The following ZMYM5 variants were observed in gnomAD, a reference collection of about 807,000 sequenced individuals.
ZMYM5 encodes zinc finger MYM-type containing 5, also known as zinc finger MYM-type protein 5.
Under a neutral mutation model 61.8 loss-of-function variants are expected in ZMYM5, and 41 were observed. The observed-to-expected ratio is 0.66, with a 90% CI of 0.52 to 0.86. The LOEUF is 0.86. Ranked by LOEUF, ZMYM5 falls within the 40% of genes least tolerant of loss-of-function variation. The pLI is 0.00. For synonymous variants in ZMYM5, 257 were observed against 276.4 expected (o/e 0.93, Z 0.70); for missense variants, 706 against 786.7 (o/e 0.90, Z 1.23).
At chr13:19,837,419 GT>G in intron 6 of ZMYM5, 1 of 1,514,276 alleles carries the variant, frequency 6.6e-7, no homozygotes, top group Non-Finnish European at 8.7e-7. Flanking sequence ...CAATTGCCTT[GT>G]TTATGAGCAC....
chr13:19,850,910 T>C (rs1953265145), intron 4 of ZMYM5, among the ~76,000 whole-genome samples: 1 of 152,148 alleles, frequency 6.6e-6, no homozygotes, highest in Non-Finnish European at 1.5e-5. Flanking sequence ...ATATTCTATC[T>C]TAATATGAAA....
intron 4 of ZMYM5, among the ~76,000 whole-genome samples, chr13:19,849,130 A>G (rs1298822746): frequency 6.6e-6 from 1 of 152,032 alleles, no homozygotes; most frequent in East Asian, 1.9e-4. Context: ...AAACTTATAT[A>G]TACATATTTT....
intron 4 of ZMYM5, among the ~76,000 whole-genome samples, chr13:19,844,420 CTA>C (rs1299093404): frequency 1.3e-5 from 2 of 152,158 alleles, no homozygotes; most frequent in African/African-American, 2.4e-5. Context: ...TGCAAGAGTT[CTA>C]TGTTGTCTCA....
chr13:19,841,603 G>A (rs142129388), intron 4 of ZMYM5, among the ~76,000 whole-genome samples: 1,836 of 152,128 alleles, frequency 0.012, 39 homozygotes, highest in African/African-American at 0.04. Flanking sequence ...AAACTCCCTA[G>A]AGTCAGTATC....
chr13:19,826,014 C>T (rs1361216506), intron 7 of ZMYM5, among the ~76,000 whole-genome samples: 1 of 146,898 alleles, frequency 6.8e-6, no homozygotes, highest in Non-Finnish European at 1.5e-5. Flanking sequence ...CCATTGTACT[C>T]CAGCCTGGGC....
chr13:19,834,100 C>T (rs1952601596), intron 7 of ZMYM5, among the ~76,000 whole-genome samples: 2 of 152,238 alleles, frequency 1.3e-5, no homozygotes, highest in South Asian at 2.1e-4. Context: ...CCTCAGCCTC[C>T]AGAGTAGCTG....
intron 7 of ZMYM5, among the ~76,000 whole-genome samples, chr13:19,830,544 T>C (rs1198348756): frequency 2.6e-5 from 4 of 152,034 alleles, no homozygotes; most frequent in African/African-American, 9.7e-5. Flanking sequence ...CTGGCTAACA[T>C]ATAATTTTTG....
At chr13:19,855,412 G>A (rs1953465148) in intron 2 of ZMYM5, among the ~76,000 whole-genome samples, 1 of 151,902 alleles carries the variant, frequency 6.6e-6, no homozygotes, top group Non-Finnish European at 1.5e-5. Context: ...ACAGGTGCCT[G>A]TCACCACACC....
chr13:19,827,959 C>T (rs1890997168), intron 7 of ZMYM5, among the ~76,000 whole-genome samples: 3 of 133,424 alleles, frequency 2.2e-5, no homozygotes, highest in Admixed American at 1.8e-4. Flanking sequence ...GCGGAGATTG[C>T]AGTGAGCCGA....
intron 4 of ZMYM5, chr13:19,843,498 A>G (rs956176602): frequency 1.2e-4 from 18 of 152,170 alleles, no homozygotes; most frequent in Admixed American, 9.8e-4. Flanking sequence ...ACAAGCAATA[A>G]ATATCTAAAA....
chr13:19,837,514 A>AC (rs1566090848), intron 6 of ZMYM5, 142 bp downstream of exon 6: 2 of 1,601,066 alleles, frequency 1.2e-6, no homozygotes, highest in Admixed American at 3.5e-5. Flanking sequence ...GATAGTTCTA[A>AC]CATATCCTTA....
At position 19,852,099 on chromosome 13, in the gene ZMYM5, G is replaced by A; in HGVS notation, c.82C>T (p.Leu28Phe). ...LLGNMAMATS[L>F]MDIGDSFGHP... ...CCAAATGAATCCCCTATGTCCATGA[G>A]ACTAGTTGCCATGGCCATATTCCCT... The change falls in exon 3 of 8, where the codon CTC (leucine) becomes TTC (phenylalanine). Residue 28 changes from leucine to phenylalanine, a missense_variant. By Grantham distance (22) the Leu-to-Phe change is conservative (BLOSUM62 0). This residue lies in a region of ZMYM5 where 480 missense variants were observed against 461.7 expected (regional missense o/e 1.04). Transcript: ENST00000337963. 6.2e-7 allele frequency: 1 copy of A among 1,613,730 alleles called. No individual in the cohort carries two copies. Among genetic ancestry groups the A allele is most frequent in the Non-Finnish European group, 8.5e-7 (1 of 1,180,006 alleles).
chr13:19,851,368 A>G lies in ZMYM5; in HGVS notation c.573T>C (p.Thr191=). Reference sequence around the variant, plus strand: ...CTTACTGCTTACCAGGACTATGATGAGTTGCAAATTCTCCATTCTGAAATA... The same window carrying G: ...CTTACTGCTTACCAGGACTATGATGGGTTGCAAATTCTCCATTCTGAAATA... ...GDLFQNGEFA[T]HHSPDSWISQ... Residue 191 remains threonine, a synonymous_variant, in exon 4 of 8, where the codon ACT becomes ACC. Coordinates refer to ENST00000337963, the MANE Select transcript of ZMYM5 (RefSeq NM_001142684.2). 1 of 1,613,962 alleles carries G rather than the reference A, an allele frequency of 6.2e-7. No individual in the cohort carries two copies. The highest frequency in any genetic ancestry group is 2.2e-5 in the East Asian group (1 of 44,872).
At chr13:19,858,214 A>C (rs147102615) in intron 2 of ZMYM5, among the ~76,000 whole-genome samples, 1,766 of 151,376 alleles carry the variant, frequency 0.012, 33 homozygotes, top group African/African-American at 0.039. Context: ...AAAAAAAAAA[A>C]ACAAAAAAAC....
intron 4 of ZMYM5, among the ~76,000 whole-genome samples, chr13:19,850,468 G>A (rs9579715): frequency 0.083 from 12,583 of 152,030 alleles, 565 homozygotes; most frequent in Middle Eastern, 0.13. Flanking sequence ...GCATGGAGAC[G>A]GGCGTGCTTG....
At chr13:19,827,528 G>A (rs1890970318) in intron 7 of ZMYM5, among the ~76,000 whole-genome samples, 1 of 152,114 alleles carries the variant, frequency 6.6e-6, no homozygotes, top group Non-Finnish European at 1.5e-5. Flanking sequence ...TTTAGATGTT[G>A]CTAGATTAAC....
chr13:19,849,293 T>C (rs1287060906), intron 4 of ZMYM5, among the ~76,000 whole-genome samples: 4 of 152,070 alleles, frequency 2.6e-5, no homozygotes, highest in South Asian at 2.1e-4. Context: ...GCTAATTTTT[T>C]TTTACTTTTT....
intron 4 of ZMYM5, among the ~76,000 whole-genome samples, chr13:19,844,060 C>T (rs1952990162): frequency 1.3e-5 from 2 of 151,418 alleles, no homozygotes; most frequent in Admixed American, 6.6e-5. Flanking sequence ...ATGGCATGAA[C>T]CCGGGAGGCA....
intron 7 of ZMYM5, among the ~76,000 whole-genome samples, chr13:19,828,467 C>T (rs1033743721): frequency 1.3e-5 from 2 of 152,030 alleles, no homozygotes; most frequent in Non-Finnish European, 2.9e-5. Flanking sequence ...GAGTGAGACT[C>T]TGTCTCCAAT....
Sources: allele counts gnomAD v4.1 joint callset (sites outside exome capture counted in the v4.1 genomes callset), GRCh38; gene constraint gnomAD v4.1.1; regional missense constraint gnomAD v4.1.1; transcripts MANE v1.5; gene names NCBI Gene and HGNC (gene_info 2026-07-23, HGNC 2026-07-21).